Variants in COL22A1 observed in about 807,000 individuals in gnomAD.
The protein encoded by COL22A1 is collagen type XXII alpha 1 chain, also known as collagen alpha-1(XXII) chain.
COL22A1 carries 221 observed loss-of-function variants against 248.9 expected under a neutral mutation model. That is an observed-to-expected ratio of 0.89 (90% confidence interval 0.80 to 0.99). The LOEUF (loss-of-function observed/expected upper bound fraction) is 0.99. Among genes scored for constraint, COL22A1 ranks in the 50% least tolerant of loss-of-function variants. The probability of loss-of-function intolerance (pLI) is 0.00; values close to 1 mark genes in which losing one functional copy is unlikely to be tolerated. For synonymous variants in COL22A1, 891 were observed against 793.4 expected (o/e 1.12, Z -2.07); for missense variants, 2,240 against 2,179.0 (o/e 1.03, Z -0.56).
intron 5 of COL22A1, chr8:138,827,084 A>C: frequency 2.8e-6 from 1 of 356,892 alleles, no homozygotes; most frequent in Non-Finnish European, 5.3e-6. Flanking sequence ...GTAAACGCTA[A>C]ATGGTCACGC....
chr8:138,613,243 G>A (rs1433708225), intron 56 of COL22A1, among the ~76,000 whole-genome samples: 11 of 93,842 alleles, frequency 1.2e-4, no homozygotes, highest in Non-Finnish European at 1.7e-4. Flanking sequence ...GCGAGACTCC[G>A]TTTCAAAAAA....
At chr8:138,619,741 C>A (rs1430549437) in intron 52 of COL22A1, among the ~76,000 whole-genome samples, 1 of 152,108 alleles carries the variant, frequency 6.6e-6, no homozygotes, top group Non-Finnish European at 1.5e-5. Flanking sequence ...GGTTGCATCT[C>A]CAAATTAATT....
At chr8:138,771,779 T>G (rs577844636) in intron 16 of COL22A1, among the ~76,000 whole-genome samples, 49 of 152,318 alleles carry the variant, frequency 3.2e-4, no homozygotes, top group African/African-American at 1.1e-3. Context: ...ATTTCCATCC[T>G]GCAAGTGAGA....
In COL22A1 at chr8:138,811,832, C is replaced by T. The variant is rs1398614547; in HGVS notation, c.1416G>A (p.Lys472=). Residue 472 remains lysine (K), a synonymous_variant, in exon 9 of 65, where the codon AAG becomes AAA. Coordinates refer to ENST00000303045, the MANE Select transcript of COL22A1 (RefSeq NM_152888.3). ...TPGSEQIGFL[K]TINCSCPAGE... ...CAGCTGGGCAGGAGCAGTTGATGGTCTTCAAAAACCCAATCTGTTCACTGC... is the reference window on the plus strand; with the variant it reads ...CAGCTGGGCAGGAGCAGTTGATGGTTTTCAAAAACCCAATCTGTTCACTGC... The T allele has an allele frequency of 6.8e-7, 1 of 1,470,614 alleles. No homozygotes were observed. The highest frequency in any genetic ancestry group is 1.1e-5 in the South Asian group (1 of 88,942). 91.1% of individuals were successfully genotyped at this position (1,470,614 alleles called of 1,614,324 possible).
At chr8:138,660,210 C>A (rs1823691651) in intron 44 of COL22A1, among the ~76,000 whole-genome samples, 1 of 152,252 alleles carries the variant, frequency 6.6e-6, no homozygotes, top group African/African-American at 2.4e-5. Flanking sequence ...ATCCCTTTCT[C>A]ACCATTCTAC....
chr8:138,874,593 C>A (rs1318227643), intron 3 of COL22A1, among the ~76,000 whole-genome samples: 1 of 152,188 alleles, frequency 6.6e-6, no homozygotes, highest in African/African-American at 2.4e-5. Context: ...TTCTCCTCCC[C>A]GGTTTGCAGG....
Position 138,716,299 on chromosome 8 carries a change from C to G in COL22A1, c.2401-10G>C, listed in dbSNP as rs1563658453. Reference sequence around the variant, plus strand: ...GGAGGCCTGCTTCTCCCTGTGAGAACAAAATATTCACAAGGCGTCAACAGG... The same window carrying G: ...GGAGGCCTGCTTCTCCCTGTGAGAAGAAAATATTCACAAGGCGTCAACAGG... On this transcript the variant is annotated splice_polypyrimidine_tract_variant and intron_variant, in intron 28 of 64. Transcript: ENST00000303045. 2 of 1,576,372 alleles carry G rather than the reference C, an allele frequency of 1.3e-6. No individual in the cohort carries two copies. The highest frequency in any genetic ancestry group is 8.6e-7 in the Non-Finnish European group (1 of 1,158,468).
At chr8:138,877,330 C>G (rs1473634943) in intron 3 of COL22A1, among the ~76,000 whole-genome samples, 1 of 152,204 alleles carries the variant, frequency 6.6e-6, no homozygotes, top group African/African-American at 2.4e-5. Context: ...CTGCTATACC[C>G]AATGCTTCAG....
chr8:138,670,218 G>A (rs1290488577), intron 41 of COL22A1, among the ~76,000 whole-genome samples: 1 of 152,092 alleles, frequency 6.6e-6, no homozygotes, highest in Non-Finnish European at 1.5e-5. Context: ...CCAACTCCTG[G>A]TTATACGTGG....
intron 12 of COL22A1, among the ~76,000 whole-genome samples, chr8:138,781,517 C>T (rs1211291371): frequency 2.0e-5 from 3 of 152,142 alleles, no homozygotes; most frequent in Non-Finnish European, 4.4e-5. Flanking sequence ...AACCACTGGG[C>T]TAGAAAAGGT....
At position 138,778,705 on chromosome 8, in the gene COL22A1, C is replaced by T. The variant is rs141304128; in HGVS notation, c.1705-299G>A. 2.5e-3 allele frequency among the ~76,000 whole-genome samples: 382 copies of T among 152,368 alleles called. 3 individuals carry two copies. Among genetic ancestry groups the T allele is most frequent in the African/African-American group, 8.6e-3 (359 of 41,590 alleles). On this transcript the variant is annotated intron_variant, in intron 14 of 64. Transcript: ENST00000303045. ...CTATGAACCACCAGGAGGCCAGATG[C>T]TACTATTCCATTTCACTCTCCCCGT...
intron 4 of COL22A1, among the ~76,000 whole-genome samples, chr8:138,836,141 G>A (rs967596754): frequency 2.6e-5 from 4 of 152,108 alleles, no homozygotes; most frequent in African/African-American, 9.7e-5. Flanking sequence ...GGTGGTAGTG[G>A]GTTCCTATAA....
At chr8:138,791,328 C>T (rs1446318096) in intron 12 of COL22A1, among the ~76,000 whole-genome samples, 5 of 152,136 alleles carry the variant, frequency 3.3e-5, no homozygotes, top group African/African-American at 7.2e-5. Flanking sequence ...CTAGAATCAG[C>T]GGGAGACAAA....
intron 47 of COL22A1, among the ~76,000 whole-genome samples, chr8:138,643,396 G>A (rs953942587): frequency 6.6e-6 from 1 of 152,168 alleles, no homozygotes; most frequent in Non-Finnish European, 1.5e-5. Context: ...TAGGGTCTGG[G>A]AGACCTGGGT....
intron 32 of COL22A1, among the ~76,000 whole-genome samples, chr8:138,697,122 C>T (rs1171331670): frequency 6.6e-6 from 1 of 152,130 alleles, no homozygotes; most frequent in East Asian, 1.9e-4. Flanking sequence ...GAGATTCCTG[C>T]CCCAGAGCCT....
intron 3 of COL22A1, among the ~76,000 whole-genome samples, chr8:138,865,945 A>C: frequency 6.9e-6 from 1 of 143,924 alleles, no homozygotes; most frequent in African/African-American, 2.6e-5. Context: ...ATGTTTGTGT[A>C]TGTTTGTATG....
At chr8:138,615,530 C>CAA (rs11329956) in intron 55 of COL22A1, among the ~76,000 whole-genome samples, 29 of 120,280 alleles carry the variant, frequency 2.4e-4, no homozygotes, top group African/African-American at 8.7e-4. Flanking sequence ...GACTCCATCT[C>CAA]AAAAAAAAAA....
intron 52 of COL22A1, among the ~76,000 whole-genome samples, chr8:138,622,548 C>G (rs1819891535): frequency 6.6e-6 from 1 of 152,052 alleles, no homozygotes; most frequent in Non-Finnish European, 1.5e-5. Context: ...AAATAAAATA[C>G]CATGGAAAAG....
chr8:138,807,419 C>A (rs1817821511), intron 10 of COL22A1, among the ~76,000 whole-genome samples: 1 of 152,192 alleles, frequency 6.6e-6, no homozygotes, highest in African/African-American at 2.4e-5. Flanking sequence ...ATCTTAAAAG[C>A]CCAACCCCTA....
Sources: gnomAD v4.1 joint callset for allele counts (sites outside exome capture counted in the v4.1 genomes callset) on GRCh38, gnomAD v4.1.1 for gene constraint, MANE v1.5 for transcripts, NCBI Gene and HGNC (gene_info 2026-07-23, HGNC 2026-07-21) for gene names.